Variants in PPARGC1A observed in about 807,000 individuals in gnomAD.
PPARGC1A encodes peroxisome proliferator-activated receptor gamma coactivator 1-alpha.
In PPARGC1A, 25 loss-of-function variants were observed where a neutral mutation model predicts 88.7. The ratio of observed to expected loss-of-function variants is 0.28; its 90% CI spans 0.21 to 0.39. The LOEUF is 0.39. Among genes scored for constraint, PPARGC1A ranks in the 10% least tolerant of loss-of-function variants. The pLI, the probability that PPARGC1A is intolerant of heterozygous loss-of-function variation, is 1.00. For synonymous variants in PPARGC1A, 363 were observed against 355.6 expected, an observed-to-expected ratio of 1.02 and a Z score of -0.24; for missense variants, 880 against 968.7, an observed-to-expected ratio of 0.91 and a Z score of 1.22.
intron 2 of PPARGC1A, among the ~76,000 whole-genome samples, chr4:23,847,503 A>G (rs1728526793): frequency 6.6e-6 from 1 of 152,204 alleles, no homozygotes; most frequent in East Asian, 1.9e-4. Context: ...GTCTTATTAC[A>G]ATGACTACTG....
chr4:23,801,995 A>G, intron 11 of PPARGC1A, 114 bp from the exon 12 acceptor site: 1 of 1,363,664 alleles, frequency 7.3e-7, no homozygotes, highest in Admixed American at 2.1e-5. Context: ...CACTGAATCC[A>G]TTTATCAGTG....
chr4:24,194,605 GGCACACACGCGCGCGCACGCGCGC>G, the PPARGC1A span, among the ~76,000 whole-genome samples: 4 of 114,666 alleles, frequency 3.5e-5, no homozygotes, highest in African/African-American at 8.3e-5. Flanking sequence ...CCAGTGGGCT[GGCACACACGCGCGCGCACGCGCGC>G]GCACACACAC....
At chr4:24,170,693 AT>A in the PPARGC1A span, among the ~76,000 whole-genome samples, 1 of 152,138 alleles carries the variant, frequency 6.6e-6, no homozygotes, top group Non-Finnish European at 1.5e-5. Flanking sequence ...CGGAACAACC[AT>A]GTTCTATCTC....
chr4:23,847,251 G>A (rs950598038), intron 2 of PPARGC1A, among the ~76,000 whole-genome samples: 1 of 152,168 alleles, frequency 6.6e-6, no homozygotes, highest in Non-Finnish European at 1.5e-5. Context: ...TTGCCCATCA[G>A]TGAGAACCAG....
At chr4:24,039,768 T>C in the PPARGC1A span, among the ~76,000 whole-genome samples, 1 of 152,170 alleles carries the variant, frequency 6.6e-6, no homozygotes, top group South Asian at 2.1e-4. Context: ...GAGTTGCTTA[T>C]AGAAGTATGT....
chr4:24,414,651 C>A, the PPARGC1A span, among the ~76,000 whole-genome samples: 2 of 152,174 alleles, frequency 1.3e-5, no homozygotes, highest in Non-Finnish European at 2.9e-5. Context: ...CAGTGAGGCC[C>A]AATATAGGTA....
the PPARGC1A span, among the ~76,000 whole-genome samples, chr4:23,997,468 C>G: frequency 5.3e-5 from 8 of 150,132 alleles, no homozygotes; most frequent in African/African-American, 9.8e-5. Flanking sequence ...ACAAATTCAC[C>G]CTTAATAAAT....
the PPARGC1A span, among the ~76,000 whole-genome samples, chr4:24,284,037 C>T: frequency 6.6e-6 from 1 of 151,278 alleles, no homozygotes; most frequent in East Asian, 1.9e-4. Flanking sequence ...CCCAGCAGCA[C>T]TCTGGGAGGC....
At chr4:24,212,268 T>C in the PPARGC1A span, among the ~76,000 whole-genome samples, 19 of 152,304 alleles carry the variant, frequency 1.2e-4, no homozygotes, top group Middle Eastern at 3.4e-3. Context: ...GCACATCCTA[T>C]AAAAACATTC....
At chr4:24,223,169 G>A in the PPARGC1A span, among the ~76,000 whole-genome samples, 1 of 151,834 alleles carries the variant, frequency 6.6e-6, no homozygotes, top group African/African-American at 2.4e-5. Context: ...AAAGACAGAA[G>A]GGTTTTTATG....
chr4:24,097,354 C>G, the PPARGC1A span, among the ~76,000 whole-genome samples: 1 of 152,084 alleles, frequency 6.6e-6, no homozygotes, highest in Non-Finnish European at 1.5e-5. Context: ...AATGGATGAT[C>G]TTTCACCTAC....
chr4:24,286,573 G>GGACCA, the PPARGC1A span, among the ~76,000 whole-genome samples: 1 of 152,146 alleles, frequency 6.6e-6, no homozygotes. Context: ...CCAAGCCCAA[G>GGACCA]GACCAGCCAA....
chr4:24,432,805 T>C, the PPARGC1A span, among the ~76,000 whole-genome samples: 1 of 152,190 alleles, frequency 6.6e-6, no homozygotes, highest in African/African-American at 2.4e-5. Flanking sequence ...TTTGAATAAC[T>C]GTTACCAACT....
the PPARGC1A span, among the ~76,000 whole-genome samples, chr4:24,026,080 A>T: frequency 6.6e-6 from 1 of 152,212 alleles, no homozygotes; most frequent in Admixed American, 6.5e-5. Context: ...AAAATATTTT[A>T]CCTAAAATGA....
the PPARGC1A span, among the ~76,000 whole-genome samples, chr4:24,407,461 C>T: frequency 7.9e-5 from 12 of 152,280 alleles, 2 homozygotes; most frequent in South Asian, 2.5e-3. Context: ...TAAAATCAAT[C>T]ATTCTCCAAC....
chr4:23,987,436 C>A, the PPARGC1A span, among the ~76,000 whole-genome samples: 4 of 152,006 alleles, frequency 2.6e-5, no homozygotes, highest in Non-Finnish European at 5.9e-5. Flanking sequence ...ATTCTCTAAG[C>A]CCATCATGCT....
At chr4:24,070,821 A>C in the PPARGC1A span, among the ~76,000 whole-genome samples, 1 of 152,190 alleles carries the variant, frequency 6.6e-6, no homozygotes, top group Admixed American at 6.5e-5. Context: ...TGAAATTCAC[A>C]TTTCTGCAGC....
the PPARGC1A span, among the ~76,000 whole-genome samples, chr4:24,035,671 T>G: frequency 1.3e-5 from 2 of 152,152 alleles, no homozygotes; most frequent in Non-Finnish European, 2.9e-5. Context: ...ATGAGTAGCA[T>G]GATGGTACAC....
chr4:24,109,811 G>A, the PPARGC1A span, among the ~76,000 whole-genome samples: 2 of 152,154 alleles, frequency 1.3e-5, no homozygotes, highest in South Asian at 2.1e-4. Context: ...AGGGAGGCAA[G>A]GCATGTGTTC....
Sources: allele counts gnomAD v4.1 joint callset (sites outside exome capture counted in the v4.1 genomes callset), GRCh38; gene constraint gnomAD v4.1.1; transcripts MANE v1.5; gene names NCBI Gene and HGNC (gene_info 2026-07-23, HGNC 2026-07-21).